Variants in PC observed in about 807,000 individuals in gnomAD.
PC encodes the protein pyruvate carboxylase.
In PC, 46 loss-of-function variants were observed where a neutral mutation model predicts 107.8. That is an observed-to-expected ratio of 0.43 (90% CI 0.34 to 0.55). The LOEUF is 0.55. Ranked by LOEUF, PC falls within the 20% of genes least tolerant of loss-of-function variation. The pLI, the probability that PC is intolerant of heterozygous loss-of-function variation, is 0.04. For synonymous variants in PC, 662 were observed against 684.7 expected, an observed-to-expected ratio of 0.97 and a Z score of 0.52; for missense variants, 1,241 against 1,643.1, an observed-to-expected ratio of 0.76 and a Z score of 4.23.
intron 12 of PC, 59 bp from the exon 13 acceptor site, chr11:66,853,442 G>GGAGAAAAGGCTGAAA: frequency 1.2e-6 from 2 of 1,601,654 alleles, no homozygotes; most frequent in Admixed American, 1.7e-5. Context: ...GGAAGGCAGA[G>GGAGAAAAGGCTGAAA]GAGAAAAGGC....
chr11:66,872,123 G>A lies in PC; in HGVS notation c.37C>T (p.Leu13Phe), dbSNP rs755484664. 2 of 1,580,136 alleles carry A rather than the reference G, an allele frequency of 1.3e-6. No homozygotes were observed. Among genetic ancestry groups the A allele is most frequent in the Non-Finnish European group, 1.7e-6 (2 of 1,163,846 alleles). Reference sequence around the variant, plus strand: ...GTGGAGGTTCGGCGGATTCCCAGGAGCCTCAGGCCCCCATGGACTGTTCGG... The same window carrying A: ...GTGGAGGTTCGGCGGATTCCCAGGAACCTCAGGCCCCCATGGACTGTTCGG... ...KFRTVHGGLR[L>F]LGIRRTSTAP... The change falls in exon 4 of 23, where the codon CTC becomes TTC. Residue 13 changes from leucine (L) to phenylalanine (F), a missense_variant. By Grantham distance (22) the Leu-to-Phe change is conservative. Transcript: ENST00000393960.
chr11:66,875,928 C>T (rs887415328), intron 3 of PC, among the ~76,000 whole-genome samples: 5 of 152,100 alleles, frequency 3.3e-5, no homozygotes, highest in Non-Finnish European at 5.9e-5. Flanking sequence ...TTCCCGCTGC[C>T]GTGCACGGCC....
At chr11:66,923,533 CAG>C (rs1159480180) in intron 3 of PC, among the ~76,000 whole-genome samples, 1 of 151,892 alleles carries the variant, frequency 6.6e-6, no homozygotes, top group Non-Finnish European at 1.5e-5. Flanking sequence ...GTTTTTGAGA[CAG>C]AGTTTTGCTC....
intron 3 of PC, among the ~76,000 whole-genome samples, chr11:66,885,062 C>A (rs1198975166): frequency 6.6e-6 from 1 of 152,198 alleles, no homozygotes; most frequent in African/African-American, 2.4e-5. Context: ...AGAGGGCCTC[C>A]CAGAGGCCTT....
At chr11:66,878,625 C>G (rs1947071003) in intron 3 of PC, among the ~76,000 whole-genome samples, 1 of 152,240 alleles carries the variant, frequency 6.6e-6, no homozygotes, top group Non-Finnish European at 1.5e-5. Context: ...TCCCACTCCA[C>G]CAAGAGCCGG....
chr11:66,933,850 G>A (rs146763979), intron 3 of PC, among the ~76,000 whole-genome samples: 1 of 152,230 alleles, frequency 6.6e-6, no homozygotes, highest in Non-Finnish European at 1.5e-5. Context: ...CCTCTGGGTA[G>A]TCCTGGCTCA....
chr11:66,853,379 T>C lies in PC; in HGVS notation c.1373A>G (p.Asn458Ser). Residue 458 changes from asparagine to serine, a missense_variant, in exon 13 of 23, where the codon AAC becomes AGC. By Grantham distance (46) the Asn-to-Ser change is conservative (BLOSUM62 1). Around this residue, in one of 2 missense-constraint regions of PC, gnomAD observed 1,143 missense variants for 1,551.9 expected, o/e 0.74. Transcript: ENST00000393960. ...GAGCACATTCTGCAGGAAGGCGATG[T>C]TGGTCTGCAGGACAGAGGCGGGTGG... ...AEFRVRGVKT[N>S]IAFLQNVLNN... is the part of the protein sequence containing the mutation. 1 of 1,614,004 alleles carries C rather than the reference T, an allele frequency of 6.2e-7. No homozygotes were observed.
chr11:66,919,895 G>C (rs1379636041), intron 3 of PC: 2 of 152,210 alleles, frequency 1.3e-5, no homozygotes, highest in Admixed American at 6.5e-5. Flanking sequence ...TCACTCAAGA[G>C]GAATGCCTGG....
chr11:66,943,039 A>T (rs951251510), intron 3 of PC, among the ~76,000 whole-genome samples: 1 of 151,936 alleles, frequency 6.6e-6, no homozygotes, highest in African/African-American at 2.4e-5. Context: ...AGTAAGTTTA[A>T]TATCAGGTGT....
chr11:66,951,946 T>A (rs1480964071), intron 3 of PC, among the ~76,000 whole-genome samples: 1 of 149,712 alleles, frequency 6.7e-6, no homozygotes, highest in Non-Finnish European at 1.5e-5. Context: ...GCCTGTAAAA[T>A]GTGCAGGGGA....
chr11:66,904,052 T>G (rs1157283502), intron 3 of PC, among the ~76,000 whole-genome samples: 1 of 151,900 alleles, frequency 6.6e-6, no homozygotes, highest in Non-Finnish European at 1.5e-5. Context: ...AGAAGGCGCT[T>G]TAGCAGACAC....
At chr11:66,883,494 G>C (rs187659656) in intron 3 of PC, among the ~76,000 whole-genome samples, 18 of 152,278 alleles carry the variant, frequency 1.2e-4, no homozygotes, top group Admixed American at 9.2e-4. Context: ...ACCTCCCTCA[G>C]CTCTGTCCTT....
rs765468262 is a variant in PC at position 66,868,835 on chromosome 11, C to T, written c.1022+11G>A. 3 of 1,604,180 alleles carry T rather than the reference C, an allele frequency of 1.9e-6. No homozygotes were observed. The highest frequency in any genetic ancestry group is 1.1e-5 in the South Asian group (1 of 90,890). On this transcript the variant is annotated intron_variant, in intron 10 of 22. Transcript: ENST00000393960. ...CCGCGCCTCCCGCCCCGCCTGCCCG[C>T]CCACACTCACTCGGTGATCTCCTCT...
At chr11:66,955,860 A>G (rs1246349559) in intron 1 of PC, among the ~76,000 whole-genome samples, 1 of 150,888 alleles carries the variant, frequency 6.6e-6, no homozygotes, top group African/African-American at 2.4e-5. Flanking sequence ...GCAACCTTCA[A>G]CTCCCAGGTT....
intron 3 of PC, among the ~76,000 whole-genome samples, chr11:66,915,310 G>A (rs1339995720): frequency 1.3e-5 from 2 of 152,190 alleles, no homozygotes; most frequent in African/African-American, 4.8e-5. Context: ...CAGTGGGAGG[G>A]AGGCTTCCCC....
intron 3 of PC, among the ~76,000 whole-genome samples, chr11:66,881,415 G>A (rs936127750): frequency 1.3e-5 from 2 of 152,224 alleles, no homozygotes; most frequent in Non-Finnish European, 1.5e-5. Context: ...TGCCTCTCGG[G>A]TGACTCCACA....
At chr11:66,951,753 G>T (rs998636597) in intron 3 of PC, among the ~76,000 whole-genome samples, 1 of 152,202 alleles carries the variant, frequency 6.6e-6, no homozygotes, top group Non-Finnish European at 1.5e-5. Context: ...AGCTGGGCAT[G>T]GCAGCACACA....
chr11:66,918,191 T>C (rs1248655031), intron 3 of PC, among the ~76,000 whole-genome samples: 2 of 151,722 alleles, frequency 1.3e-5, no homozygotes, highest in Non-Finnish European at 2.9e-5. Flanking sequence ...AGAAGGGAGG[T>C]ACACAAACTA....
chr11:66,880,233 G>A (rs1230458254), intron 3 of PC, among the ~76,000 whole-genome samples: 2 of 152,172 alleles, frequency 1.3e-5, no homozygotes, highest in African/African-American at 2.4e-5. Context: ...TAAGATGGGC[G>A]TGGCCCCCTC....
Sources: gnomAD v4.1 joint callset for allele counts (sites outside exome capture counted in the v4.1 genomes callset) on GRCh38, gnomAD v4.1.1 for gene constraint, gnomAD v4.1.1 regional missense constraint, MANE v1.5 for transcripts, NCBI Gene and HGNC (gene_info 2026-07-23, HGNC 2026-07-21) for gene names.